Variants in SYN3 observed in about 807,000 individuals in gnomAD.
The protein encoded by SYN3 is synapsin-3.
SYN3 carries 35 observed loss-of-function variants against 65.8 expected under a neutral mutation model. The observed-to-expected ratio is 0.53, with a 90% CI of 0.41 to 0.70. The LOEUF (loss-of-function observed/expected upper bound fraction) is 0.70, where lower values mean the gene tolerates loss of function less well. Among genes scored for constraint, SYN3 ranks in the 30% least tolerant of loss-of-function variants. The pLI is 0.00. For synonymous variants in SYN3, 270 were observed against 292.9 expected, an observed-to-expected ratio of 0.92 and a Z score of 0.80; for missense variants, 680 against 749.0, an observed-to-expected ratio of 0.91 and a Z score of 1.08.
chr22:32,973,011 A>C (rs1316285875), intron 3 of SYN3, among the ~76,000 whole-genome samples: 1 of 152,134 alleles, frequency 6.6e-6, no homozygotes, highest in African/African-American at 2.4e-5. Context: ...CCTGTCTCAA[A>C]AACTAAACAA....
intron 6 of SYN3, among the ~76,000 whole-genome samples, chr22:32,749,064 T>C (rs533037555): frequency 3.7e-4 from 57 of 152,156 alleles, no homozygotes; most frequent in Non-Finnish European, 7.1e-4. Flanking sequence ...TACCAAAGAC[T>C]GAGGCACTCA....
At chr22:32,690,526 T>C (rs1489044978) in intron 6 of SYN3, among the ~76,000 whole-genome samples, 1 of 152,074 alleles carries the variant, frequency 6.6e-6, no homozygotes, top group African/African-American at 2.4e-5. Flanking sequence ...TTGGATGGGG[T>C]CACTCTCATG....
chr22:32,898,099 G>C (rs1381633008), intron 4 of SYN3, among the ~76,000 whole-genome samples: 2 of 152,182 alleles, frequency 1.3e-5, no homozygotes, highest in Non-Finnish European at 2.9e-5. Flanking sequence ...GGCTTCAAGC[G>C]ATTCTCCTGC....
chr22:32,727,608 TA>T (rs2147323093), intron 6 of SYN3, among the ~76,000 whole-genome samples: 1 of 152,348 alleles, frequency 6.6e-6, no homozygotes, highest in Non-Finnish European at 1.5e-5. Flanking sequence ...ACCAACGGTG[TA>T]AAAGTGTTCT....
chr22:32,959,236 G>A (rs2051566277), intron 3 of SYN3, among the ~76,000 whole-genome samples: 1 of 151,928 alleles, frequency 6.6e-6, no homozygotes, highest in African/African-American at 2.4e-5. Context: ...TCTGCATTCT[G>A]TCTTTGCTTG....
intron 6 of SYN3, among the ~76,000 whole-genome samples, chr22:32,787,116 C>T (rs972403151): frequency 1.6e-4 from 24 of 148,652 alleles, no homozygotes; most frequent in East Asian, 1.0e-3. Context: ...GATGCAATCT[C>T]GGCTCACTGC....
chr22:32,629,760 G>A (rs2059720601), intron 6 of SYN3: 1 of 152,074 alleles, frequency 6.6e-6, no homozygotes, highest in African/African-American at 2.4e-5. Context: ...GAATCCTGAT[G>A]GTGCCCTTGA....
At chr22:32,563,172 T>C (rs911960718) in intron 7 of SYN3, among the ~76,000 whole-genome samples, 2 of 152,194 alleles carry the variant, frequency 1.3e-5, no homozygotes, top group Admixed American at 6.5e-5. Flanking sequence ...AGAGGCACTA[T>C]AGGTAAGAGG....
At chr22:32,956,061 T>TATATATATATATATATATATAA (rs1263294092) in intron 3 of SYN3, among the ~76,000 whole-genome samples, 7 of 142,916 alleles carry the variant, frequency 4.9e-5, no homozygotes, top group Admixed American at 4.3e-4. Context: ...TATATATATA[T>TATATATATATATATATATATAA]AAAATCTCCT....
intron 6 of SYN3, among the ~76,000 whole-genome samples, chr22:32,736,596 A>G (rs1274130424): frequency 1.3e-5 from 2 of 152,170 alleles, no homozygotes; most frequent in African/African-American, 4.8e-5. Context: ...AGGCTCAGGA[A>G]TGATAATATA....
At chr22:32,931,199 C>T in intron 4 of SYN3, 191 bp downstream of exon 4, 1 of 528,750 alleles carries the variant, frequency 1.9e-6, no homozygotes, top group Middle Eastern at 5.3e-4. Context: ...TTGGGGACAC[C>T]ACAGGTGCTG....
chr22:32,641,143 C>T (rs754734493), intron 6 of SYN3, among the ~76,000 whole-genome samples: 16 of 152,182 alleles, frequency 1.1e-4, no homozygotes, highest in East Asian at 1.9e-4. Flanking sequence ...ACATTGAGCA[C>T]GAACGTCAAC....
chr22:33,014,644 G>C (rs1167844310), intron 1 of SYN3: 1 of 152,322 alleles, frequency 6.6e-6, no homozygotes, highest in Non-Finnish European at 1.5e-5. Flanking sequence ...GCCAGGCGTG[G>C]TGGCAGGTGC....
intron 6 of SYN3, among the ~76,000 whole-genome samples, chr22:32,653,180 C>T (rs2060096842): frequency 6.6e-6 from 1 of 151,820 alleles, no homozygotes; most frequent in Non-Finnish European, 1.5e-5. Context: ...GAGGCTGAAG[C>T]ACTCAGAAAA....
chr22:32,864,788 G>A (rs1311522908), intron 6 of SYN3, 127 bp downstream of exon 6: 15 of 840,124 alleles, frequency 1.8e-5, no homozygotes, highest in African/African-American at 6.7e-5. Context: ...CTGTGACTCC[G>A]CCTTAGAGTC....
intron 6 of SYN3, among the ~76,000 whole-genome samples, chr22:32,845,579 C>G (rs758378761): frequency 6.6e-6 from 1 of 152,132 alleles, no homozygotes. Context: ...GTCACCCTCA[C>G]CAGCACCCAA....
intron 4 of SYN3, among the ~76,000 whole-genome samples, chr22:32,911,796 T>C (rs73881909): frequency 0.014 from 2,176 of 152,140 alleles, 59 homozygotes; most frequent in African/African-American, 0.05. Flanking sequence ...CCTTGAACCA[T>C]GGAAATGGGC....
chr22:32,853,120 T>C (rs569897268), intron 6 of SYN3, among the ~76,000 whole-genome samples: 1 of 152,224 alleles, frequency 6.6e-6, no homozygotes, highest in Admixed American at 6.5e-5. Flanking sequence ...AATAGCAGGG[T>C]CTCGCCTTTG....
At chr22:32,665,190 G>T (rs1601871911) in intron 6 of SYN3, among the ~76,000 whole-genome samples, 1 of 151,668 alleles carries the variant, frequency 6.6e-6, no homozygotes, top group Non-Finnish European at 1.5e-5. Flanking sequence ...TAGAGACAGG[G>T]TTTTGCCATG....
Sources: gnomAD v4.1 joint callset for allele counts (sites outside exome capture counted in the v4.1 genomes callset) on GRCh38, gnomAD v4.1.1 for gene constraint, MANE v1.5 for transcripts, NCBI Gene and HGNC (gene_info 2026-07-23, HGNC 2026-07-21) for gene names.